Variants in GAS7 observed in about 807,000 individuals in gnomAD.
The protein encoded by GAS7 is growth arrest specific 7.
A neutral mutation model predicts 71.1 loss-of-function variants in GAS7; 28 were observed. The observed-to-expected ratio is 0.39, with a 90% confidence interval of 0.29 to 0.54. The LOEUF is 0.54. Ranked by LOEUF, GAS7 falls within the 20% of genes least tolerant of loss-of-function variation. The probability of loss-of-function intolerance (pLI) is 0.62; values close to 1 mark genes in which losing one functional copy is unlikely to be tolerated. For synonymous variants in GAS7, 258 were observed against 245.8 expected (o/e 1.05, Z -0.46); for missense variants, 436 against 627.8 (o/e 0.69, Z 3.27).
intron 12 of GAS7, among the ~76,000 whole-genome samples, chr17:9,918,821 G>A (rs2067685659): frequency 6.6e-6 from 1 of 152,158 alleles, no homozygotes; most frequent in African/African-American, 2.4e-5. Flanking sequence ...ATACAACTAG[G>A]TCACTGCCCA....
chr17:9,943,299 GC>G (rs2068673673), intron 6 of GAS7, 63 bp from the exon 7 acceptor site: 1 of 965,626 alleles, frequency 1.0e-6, no homozygotes, highest in Admixed American at 1.7e-5. Context: ...AGGGAGAATG[GC>G]GTAGAGGGAG....
intron 1 of GAS7, among the ~76,000 whole-genome samples, chr17:10,095,129 C>T (rs1368430564): frequency 6.6e-6 from 1 of 152,190 alleles, no homozygotes; most frequent in Non-Finnish European, 1.5e-5. Context: ...TAATAGGACC[C>T]TCCTTACAGG....
At position 9,927,290 on chromosome 17, in the gene GAS7, T is replaced by TACATAC. The variant is rs1555589671; in HGVS notation, c.886-522_886-521insGTATGT. On this transcript the variant is annotated intron_variant, in intron 9 of 13. Coordinates refer to ENST00000432992, the MANE Select transcript of GAS7 (RefSeq NM_201433.2). Reference sequence around the variant, plus strand: ...ATGGTGAAACCCCATCTCTACTACATACACACACACACACACACACACACA... The same window carrying TACATAC: ...ATGGTGAAACCCCATCTCTACTACATACATACACACACACACACACACACACACACA... Among the ~76,000 whole-genome samples the TACATAC allele has an allele frequency of 4.4e-3, 513 of 116,932 alleles. 4 individuals are homozygous for TACATAC. The highest frequency in any genetic ancestry group is 0.016 in the African/African-American group (484 of 29,958). 76.7% of individuals were successfully genotyped at this position (116,932 alleles called of 152,430 possible). A position where few individuals can be genotyped will look rare whatever the true frequency, so the allele number is the denominator to read the frequency against.
Position 9,919,022 on chromosome 17 carries a change from C to T in GAS7, c.1218+604G>A, listed in dbSNP as rs530211250. 6.6e-6 allele frequency among the ~76,000 whole-genome samples: 1 copy of T among 152,258 alleles called. No homozygotes were observed. The highest frequency in any genetic ancestry group is 1.5e-5 in the Non-Finnish European group (1 of 67,998). ...AGGCAGTGGGCTGATCCGATGAGCA[C>T]CTGGCATGATGCCTCCTGTCCCATC... On this transcript the variant is annotated intron_variant, in intron 12 of 13. Transcript: ENST00000432992. This position sits in a 1 kb window ranked among gnomAD's most constrained non-coding sequence, Gnocchi z 5.0.
At chr17:10,000,589 G>T (rs375084219) in intron 2 of GAS7, among the ~76,000 whole-genome samples, 1 of 152,176 alleles carries the variant, frequency 6.6e-6, no homozygotes, top group East Asian at 1.9e-4. Flanking sequence ...AAATCAGCCA[G>T]GTTCCCAGAT....
chr17:10,032,551 G>A (rs892783062), intron 1 of GAS7, among the ~76,000 whole-genome samples: 1 of 152,156 alleles, frequency 6.6e-6, no homozygotes, highest in Non-Finnish European at 1.5e-5. Context: ...TCTGTGAAAT[G>A]GGGGGATTGC....
At chr17:9,951,376 G>A (rs908722068) in intron 5 of GAS7, among the ~76,000 whole-genome samples, 8 of 152,220 alleles carry the variant, frequency 5.3e-5, no homozygotes, top group Admixed American at 4.6e-4. Context: ...CCTGCCCTGC[G>A]GGCATCTCTC....
intron 5 of GAS7, among the ~76,000 whole-genome samples, chr17:9,949,050 C>T (rs1257006538): frequency 1.3e-5 from 2 of 152,168 alleles, no homozygotes; most frequent in East Asian, 1.9e-4. Context: ...GGTACCCAGG[C>T]GTCACAGAAA....
At chr17:10,166,730 T>A (rs1698915296) in intron 1 of GAS7, among the ~76,000 whole-genome samples, 1 of 152,260 alleles carries the variant, frequency 6.6e-6, no homozygotes, top group Admixed American at 6.5e-5. Flanking sequence ...CTATTCTGCT[T>A]AGTCAGTGAA....
chr17:10,163,658 C>A (rs974957913), intron 1 of GAS7, among the ~76,000 whole-genome samples: 9 of 152,086 alleles, frequency 5.9e-5, no homozygotes, highest in Non-Finnish European at 1.3e-4. Flanking sequence ...GGGGATAGGG[C>A]CATACTTTGA....
At chr17:10,055,005 A>G (rs2073116657) in intron 1 of GAS7, among the ~76,000 whole-genome samples, 1 of 152,206 alleles carries the variant, frequency 6.6e-6, no homozygotes, top group Admixed American at 6.5e-5. Context: ...AAGAAAGCTG[A>G]AACAGGTTAA....
intron 2 of GAS7, among the ~76,000 whole-genome samples, chr17:10,014,158 G>A (rs2071898047): frequency 7.2e-5 from 11 of 152,078 alleles, no homozygotes; most frequent in Admixed American, 7.2e-4. Context: ...TTCCTCCCTT[G>A]AATACCCTAT....
At position 9,911,197 on chromosome 17, in the gene GAS7, G is replaced by C; in HGVS notation, c.*6031C>G. 4.3e-6 allele frequency: 1 copy of C among 233,410 alleles called. No individual in the cohort carries two copies. Among genetic ancestry groups the C allele is most frequent in the Non-Finnish European group, 8.5e-6 (1 of 118,174 alleles). 14.5% of individuals were successfully genotyped at this position (233,410 alleles called of 1,614,324 possible). Reference sequence around the variant, plus strand: ...TCCCGAGAGCCCGTCTGCTGCAGGTGATGCTGGAAGGGAAGCGCCCCCACT... The same window carrying C: ...TCCCGAGAGCCCGTCTGCTGCAGGTCATGCTGGAAGGGAAGCGCCCCCACT... On this transcript the variant is annotated 3_prime_UTR_variant, in exon 14 of 14. Coordinates refer to ENST00000432992, the MANE Select transcript of GAS7 (RefSeq NM_201433.2). This position sits in a 1 kb window ranked among gnomAD's most constrained non-coding sequence, Gnocchi z 4.0.
rs2070405864 is a variant in GAS7, at chr17:9,981,417, G to C, written c.385+387C>G. 6.6e-6 allele frequency among the ~76,000 whole-genome samples: 1 copy of C among 152,256 alleles called. No homozygotes were observed. The highest frequency in any genetic ancestry group is 2.4e-5 in the African/African-American group (1 of 41,552). On this transcript the variant is annotated intron_variant, in intron 3 of 13. Coordinates refer to ENST00000432992, the MANE Select transcript of GAS7 (RefSeq NM_201433.2). This position sits in a 1 kb window ranked among gnomAD's most constrained non-coding sequence, Gnocchi z 4.4. ...TCACACTGTTTCAGGTGTTTTATTT[G>C]AAAGCTGCCTTGTAAACATCTACCT...
In GAS7 at chr17:9,913,984, G is replaced by C. The variant is rs531018880; in HGVS notation, c.*3244C>G. On this transcript the variant is annotated 3_prime_UTR_variant, in exon 14 of 14. Transcript: ENST00000432992. ...GACCCGCCCACTTTGAATAAACCCA[G>C]CTAAGTCCTCACCTAAGCACCAAGA... 49 of 231,948 alleles carry C rather than the reference G, an allele frequency of 2.1e-4. No homozygotes were observed. The highest frequency in any genetic ancestry group is 1.1e-3 in the African/African-American group (48 of 45,362). The allele number at this position is 231,948 out of a possible 1,614,324, so 14.4% of individuals were successfully genotyped here. A position where few individuals can be genotyped will look rare whatever the true frequency, so the allele number is the denominator to read the frequency against.
Position 9,917,210 on chromosome 17 carries a change from G to C in GAS7, c.*18C>G. The C allele has an allele frequency of 1.9e-5, 24 of 1,291,934 alleles. No individual in the cohort carries two copies. The highest frequency in any genetic ancestry group is 2.7e-5 in the Non-Finnish European group (24 of 886,198). The allele number at this position is 1,291,934 out of a possible 1,614,324, so 80.0% of individuals were successfully genotyped here. ...GCCCCCCTCCCCAGCAGGACCCCCC[G>C]AAGCTGCACAGGCCCATCTAGATCT... is the stretch of plus-strand genomic sequence containing the variant. On this transcript the variant is annotated 3_prime_UTR_variant, in exon 14 of 14. Transcript: ENST00000432992.
At chr17:9,943,061 C>T (rs1337639805) in intron 7 of GAS7, 60 bp downstream of exon 7, 12 of 1,124,742 alleles carry the variant, frequency 1.1e-5, no homozygotes, top group Non-Finnish European at 1.5e-5. Context: ...CCGCCCCGGC[C>T]ACGGGGCCCC....
intron 6 of GAS7, 41 bp downstream of exon 6, chr17:9,946,853 C>A: frequency 7.4e-7 from 1 of 1,355,900 alleles, no homozygotes; most frequent in South Asian, 1.2e-5. Flanking sequence ...CACTCCCGGT[C>A]ACCGGGGTCA....
intron 3 of GAS7, among the ~76,000 whole-genome samples, chr17:9,971,706 T>C (rs1199454718): frequency 3.9e-5 from 6 of 152,140 alleles, no homozygotes; most frequent in Non-Finnish European, 4.4e-5. Context: ...CTTCAAGTAA[T>C]TGCCAATAAA....
Sources: gnomAD v4.1 joint callset for allele counts (sites outside exome capture counted in the v4.1 genomes callset) on GRCh38, gnomAD v4.1.1 for gene constraint, Gnocchi (gnomAD v3.1) non-coding constraint, MANE v1.5 for transcripts, NCBI Gene and HGNC (gene_info 2026-07-23, HGNC 2026-07-21) for gene names.